Variants in TMC2 observed in about 807,000 individuals in gnomAD.
TMC2 encodes transmembrane channel like 2, also known as transmembrane channel-like protein 2.
A neutral mutation model predicts 105.9 loss-of-function variants in TMC2; 102 were observed. That is an observed-to-expected ratio of 0.96 (90% CI 0.82 to 1.14). TMC2 has a LOEUF of 1.14. TMC2 is among the 50% of genes most tolerant of loss of function. The probability of loss-of-function intolerance (pLI) is 0.00; values close to 1 mark genes in which losing one functional copy is unlikely to be tolerated. For synonymous variants in TMC2, 402 were observed against 422.8 expected (o/e 0.95, Z 0.60); for missense variants, 1,093 against 1,134.3 (o/e 0.96, Z 0.52).
intron 4 of TMC2, among the ~76,000 whole-genome samples, chr20:2,570,757 A>C (rs1229452582): frequency 6.6e-6 from 1 of 152,222 alleles, no homozygotes. Context: ...CTATACTATG[A>C]GGCTACAGTA....
Position 2,597,231 on chromosome 20 carries a change from G to A in TMC2, c.1157G>A (p.Trp386Ter). ...FTFSFKMFTS[W>*]DYLIGNSETA... is the part of the protein sequence containing the mutation. ...TTCAGCTTCAAGATGTTCACCAGCT[G>A]GGACTACCTGATCGGGAATTCAGAG... The change falls in exon 10 of 20, where the codon TGG becomes TAG. Residue 386 changes from tryptophan to a stop codon, truncating the protein, a stop_gained. Transcript: ENST00000358864. LOFTEE classifies it high-confidence loss of function. The A allele has an allele frequency of 2.5e-6, 4 of 1,614,084 alleles. No individual in the cohort carries two copies. Among genetic ancestry groups the A allele is most frequent in the Non-Finnish European group, 3.4e-6 (4 of 1,180,004 alleles).
chr20:2,581,854 C>T (rs571172607), intron 7 of TMC2, among the ~76,000 whole-genome samples: 1 of 152,214 alleles, frequency 6.6e-6, no homozygotes, highest in South Asian at 2.1e-4. Flanking sequence ...TTATTTTAAA[C>T]AATAAAAACT....
In TMC2 at chr20:2,540,598, T is replaced by G. The variant is rs530714782; in HGVS notation, c.82+3282T>G. Among the ~76,000 whole-genome samples, 231 of 148,308 alleles carry G rather than the reference T, an allele frequency of 1.6e-3. 1 individual carries two copies. Among genetic ancestry groups the G allele is most frequent in the African/African-American group, 5.6e-3 (224 of 40,038 alleles). On this transcript the variant is annotated intron_variant, in intron 2 of 19. Coordinates refer to ENST00000358864, the MANE Select transcript of TMC2 (RefSeq NM_080751.3). ...ATCGCTTGAACCTGGGAGGCGGAGG[T>G]TGCAGTGAGCCTAGATGGTGCCATT...
intron 17 of TMC2, among the ~76,000 whole-genome samples, chr20:2,632,045 G>A (rs1264856441): frequency 7.0e-6 from 1 of 143,762 alleles, no homozygotes; most frequent in Non-Finnish European, 1.5e-5. Context: ...TTTTCGAGAT[G>A]GTGTCTCACT....
At chr20:2,614,559 C>T (rs908235703) in intron 14 of TMC2, among the ~76,000 whole-genome samples, 12 of 151,610 alleles carry the variant, frequency 7.9e-5, no homozygotes, top group African/African-American at 1.7e-4. Flanking sequence ...CCTGCCTAGG[C>T]GACATAGTGA....
chr20:2,609,449 A>G (rs1015367909), intron 11 of TMC2, among the ~76,000 whole-genome samples: 2 of 146,322 alleles, frequency 1.4e-5, no homozygotes, highest in African/African-American at 5.6e-5. Context: ...AAGATGCCCA[A>G]GATGAATTCT....
At chr20:2,594,419 G>C (rs969228113) in intron 8 of TMC2, among the ~76,000 whole-genome samples, 2 of 151,988 alleles carry the variant, frequency 1.3e-5, no homozygotes, top group African/African-American at 4.8e-5. Context: ...GTAGAGACAA[G>C]GTTTCACTAC....
At chr20:2,560,900 T>C (rs565335053) in intron 3 of TMC2, among the ~76,000 whole-genome samples, 16 of 151,118 alleles carry the variant, frequency 1.1e-4, no homozygotes, top group Admixed American at 2.0e-4. Flanking sequence ...CACAGACACT[T>C]GGATTTTGTG....
intron 11 of TMC2, among the ~76,000 whole-genome samples, chr20:2,604,982 G>A (rs1261635649): frequency 6.6e-6 from 1 of 152,124 alleles, no homozygotes; most frequent in Non-Finnish European, 1.5e-5. Flanking sequence ...CCCAAGAAGG[G>A]GATTGTGAGA....
intron 12 of TMC2, among the ~76,000 whole-genome samples, chr20:2,611,346 C>T (rs1172739627): frequency 6.6e-6 from 1 of 152,140 alleles, no homozygotes; most frequent in Non-Finnish European, 1.5e-5. Flanking sequence ...GAAAACTGTT[C>T]TAAGCATGGA....
chr20:2,600,693 G>A (rs1424448471), intron 10 of TMC2, among the ~76,000 whole-genome samples: 2 of 152,142 alleles, frequency 1.3e-5, no homozygotes, highest in African/African-American at 4.8e-5. Context: ...GCATGGTGGC[G>A]GGTGCCTGTA....
rs1407904556 is a variant in TMC2 at position 2,616,786 on chromosome 20, G to A, written c.1941-286G>A. Among the ~76,000 whole-genome samples, 1 of 152,230 alleles carries A rather than the reference G, an allele frequency of 6.6e-6. No homozygotes were observed. The highest frequency in any genetic ancestry group is 1.5e-5 in the Non-Finnish European group (1 of 68,038). ...GTTTTATGGAAACCGAGGAGAAACA[G>A]GCAGGAGACCGTATAATTTGCTAGA... On this transcript the variant is annotated intron_variant, in intron 15 of 19. Coordinates refer to ENST00000358864, the MANE Select transcript of TMC2 (RefSeq NM_080751.3). The surrounding 1 kb of genome is among the most constrained non-coding windows in gnomAD (Gnocchi z 4.8).
chr20:2,558,621 T>G lies in TMC2; in HGVS notation c.248T>G (p.Leu83Arg), dbSNP rs754220332. ...QTGRRRHREELGEQERGEAER... is the reference protein window; with the variant it reads ...QTGRRRHREERGEQERGEAER... The stretch of plus-strand genomic sequence containing the variant: ...GGGCGCAGGAGACACAGAGAAGAGC[T>G]GGGGGAGCAGGAGCGGGGCGAGGCA... Residue 83 changes from leucine to arginine, a missense_variant, in exon 3 of 20, where the codon CTG (leucine) becomes CGG (arginine). Coordinates refer to ENST00000358864, the MANE Select transcript of TMC2 (RefSeq NM_080751.3). This position sits in a 1 kb window ranked among gnomAD's most constrained non-coding sequence, Gnocchi z 4.6. The G allele has an allele frequency of 6.4e-7, 1 of 1,562,536 alleles. No individual in the cohort carries two copies. The highest frequency in any genetic ancestry group is 8.7e-7 in the Non-Finnish European group (1 of 1,153,168).
chr20:2,595,028 C>T (rs2086295650), intron 9 of TMC2, 61 bp downstream of exon 9: 2 of 1,559,064 alleles, frequency 1.3e-6, no homozygotes, highest in East Asian at 4.5e-5. Context: ...CTCCCCTGGC[C>T]ACTCTATGCC....
chr20:2,637,387 C>CAAAA (rs59750367), intron 18 of TMC2, 87 bp from the exon 19 acceptor site: 127,173 of 609,810 alleles, frequency 0.21, 5,722 homozygotes, highest in African/African-American at 0.27. Flanking sequence ...GACTCTGTCT[C>CAAAA]AAAAAAAAAA....
At chr20:2,537,234 G>A (rs1227015351) in intron 1 of TMC2, 35 bp from the exon 2 acceptor site, 2 of 1,582,658 alleles carry the variant, frequency 1.3e-6, no homozygotes, top group Non-Finnish European at 8.6e-7. Flanking sequence ...ACTCACCAGA[G>A]GCCAGCCATT....
chr20:2,620,665 C>G (rs1453276020), intron 16 of TMC2, among the ~76,000 whole-genome samples: 2 of 152,178 alleles, frequency 1.3e-5, no homozygotes, highest in Non-Finnish European at 2.9e-5. Context: ...TCCCAGAATT[C>G]TGTGGCGGGA....
chr20:2,537,602 G>A (rs1450800030), intron 2 of TMC2, among the ~76,000 whole-genome samples: 1 of 152,162 alleles, frequency 6.6e-6, no homozygotes, highest in Non-Finnish European at 1.5e-5. Flanking sequence ...CAGAGGGCAG[G>A]GAAGCTCGGT....
intron 10 of TMC2, 110 bp downstream of exon 10, chr20:2,597,408 G>A: frequency 8.7e-7 from 1 of 1,151,204 alleles, no homozygotes; most frequent in South Asian, 1.6e-5. Flanking sequence ...ATAATTTGTG[G>A]CAAGAGCCTT....
Sources: allele counts gnomAD v4.1 joint callset (sites outside exome capture counted in the v4.1 genomes callset), GRCh38; gene constraint gnomAD v4.1.1; non-coding constraint Gnocchi (gnomAD v3.1); transcripts MANE v1.5; gene names NCBI Gene and HGNC (gene_info 2026-07-23, HGNC 2026-07-21).